LACC1: variants seen among roughly 807,000 people sequenced by gnomAD.
The protein encoded by LACC1 is purine nucleoside phosphorylase LACC1.
LACC1 carries 25 observed loss-of-function variants against 34.8 expected under a neutral mutation model. That is an observed-to-expected ratio of 0.72 (90% CI 0.52 to 1.00). The LOEUF is 1.00. Ranked by LOEUF, LACC1 falls within the 50% of genes least tolerant of loss-of-function variation. The pLI is 0.00. For missense variants in LACC1, 426 were observed against 511.2 expected (o/e 0.83, Z 1.61); for synonymous variants, 162 against 168.0 (o/e 0.96, Z 0.28).
chr13:43,881,783 G>A (rs182325132), intron 2 of LACC1, among the ~76,000 whole-genome samples: 13,049 of 152,182 alleles, frequency 0.086, 625 homozygotes, highest in East Asian at 0.13. Flanking sequence ...AAAATTTGAT[G>A]ATGAGACAAA....
intron 3 of LACC1, among the ~76,000 whole-genome samples, chr13:43,883,340 C>T (rs1157037001): frequency 6.6e-6 from 1 of 152,126 alleles, no homozygotes; most frequent in Non-Finnish European, 1.5e-5. Context: ...GAACTAGGGT[C>T]ATAGTTGATG....
chr13:43,888,981 A>G lies in LACC1; in HGVS notation c.1132A>G (p.Arg378Gly). 1 of 1,606,930 alleles carries G rather than the reference A, an allele frequency of 6.2e-7. No homozygotes were observed. Among genetic ancestry groups the G allele is most frequent in the East Asian group, 2.2e-5 (1 of 44,800 alleles). Residue 378 changes from arginine (R) to glycine (G), a missense_variant and splice_region_variant, in exon 5 of 7, where the codon AGG (arginine) becomes GGG (glycine). Arg to Gly is a moderately radical substitution (Grantham distance 125, BLOSUM62 -2). Transcript: ENST00000325686. The stretch of plus-strand genomic sequence containing the variant: ...CTGTATCGACATCCGTAAAGCCACA[A>G]GGTATGTCTGATTTCATTCAACTGC... The part of the protein sequence containing the change: ...NPCIDIRKAT[R>G]ILLEQGGILP...
chr13:43,890,991 G>T (rs759731073), intron 6 of LACC1, among the ~76,000 whole-genome samples: 10 of 152,220 alleles, frequency 6.6e-5, no homozygotes, highest in Non-Finnish European at 1.3e-4. Context: ...AGGCACAGTG[G>T]CCCTGCTCCT....
Position 43,891,529 on chromosome 13 carries a change from A to G in LACC1, c.*82A>G. ...AGAGAGAAATTTAGCTGTTTGATTTACTTAAAACCAAATGGATTACAATGG... is the reference window on the plus strand; with the variant it reads ...AGAGAGAAATTTAGCTGTTTGATTTGCTTAAAACCAAATGGATTACAATGG... On this transcript the variant is annotated 3_prime_UTR_variant, in exon 7 of 7. Transcript: ENST00000325686. 1.0e-6 allele frequency: 1 copy of G among 958,224 alleles called. No individual in the cohort carries two copies. Among genetic ancestry groups the G allele is most frequent in the South Asian group, 4.8e-5 (1 of 20,798 alleles). The allele number at this position is 958,224 out of a possible 1,614,324, so 59.4% of individuals were successfully genotyped here. A position where few individuals can be genotyped will look rare whatever the true frequency, so the allele number is the denominator to read the frequency against.
intron 4 of LACC1, among the ~76,000 whole-genome samples, chr13:43,885,064 T>C (rs772602795): frequency 5.9e-5 from 9 of 152,156 alleles, no homozygotes; most frequent in Non-Finnish European, 8.8e-5. Flanking sequence ...ATTAAAGGTC[T>C]CTACAATGAG....
chr13:43,890,520 C>T (rs1476726252), intron 6 of LACC1, among the ~76,000 whole-genome samples: 1 of 152,106 alleles, frequency 6.6e-6, no homozygotes, highest in African/African-American at 2.4e-5. Flanking sequence ...GCAGCCACTC[C>T]TTTTCCTAGT....
Position 43,882,113 on chromosome 13 carries a change from C to T in LACC1, c.563-72C>T. The stretch of plus-strand genomic sequence containing the variant: ...AATAACAAGGGCAGGTAGCAGTGAT[C>T]AGGGAAGGTCTAATTGAGAGACTGG... On this transcript the variant is annotated intron_variant, in intron 2 of 6. Transcript: ENST00000325686. 1.0e-5 allele frequency: 12 copies of T among 1,168,230 alleles called. No homozygotes were observed. The South Asian group carries it at 1.9e-4, about 18-fold the overall frequency. The allele number at this position is 1,168,230 out of a possible 1,614,324, so 72.4% of individuals were successfully genotyped here. A position where few individuals can be genotyped will look rare whatever the true frequency, so the allele number is the denominator to read the frequency against.
intron 4 of LACC1, among the ~76,000 whole-genome samples, chr13:43,887,282 A>C (rs1444443812): frequency 6.6e-6 from 1 of 152,144 alleles, no homozygotes. Flanking sequence ...TCTTGCTTTC[A>C]TCATCTCCTT....
intron 6 of LACC1, 110 bp downstream of exon 6, chr13:43,890,384 A>T (rs1380245807): frequency 5.1e-5 from 25 of 493,596 alleles, no homozygotes; most frequent in South Asian, 9.9e-5. Flanking sequence ...CCCCTTATTT[A>T]AAAAAAAAAA....
Position 43,882,422 on chromosome 13 carries a change from C to T in LACC1, c.741+59C>T. ...AGTATATTTTTTACTTTGCTAGTAACTACATGGACTTTAAGCTATTTAACT... is the reference window on the plus strand; with the variant it reads ...AGTATATTTTTTACTTTGCTAGTAATTACATGGACTTTAAGCTATTTAACT... On this transcript the variant is annotated intron_variant, in intron 3 of 6. Coordinates refer to ENST00000325686, the MANE Select transcript of LACC1 (RefSeq NM_153218.4). The T allele has an allele frequency of 4.7e-6, 6 of 1,277,596 alleles. No homozygotes were observed. In the South Asian group the frequency reaches 5.8e-5, roughly 12 times the overall value. 79.1% of individuals were successfully genotyped at this position (1,277,596 alleles called of 1,614,324 possible). A position where few individuals can be genotyped will look rare whatever the true frequency, so the allele number is the denominator to read the frequency against.
Position 43,881,093 on chromosome 13 carries a change from T to A in LACC1, c.108T>A (p.Ala36=). 1 of 1,614,210 alleles carries A rather than the reference T, an allele frequency of 6.2e-7. No homozygotes were observed. Among genetic ancestry groups the A allele is most frequent in the Non-Finnish European group, 8.5e-7 (1 of 1,180,028 alleles). The part of the protein sequence containing the change: ...KTLNAVQYHH[A]AKAKFLCIMC... The stretch of plus-strand genomic sequence containing the variant: ...TGAATGCTGTCCAATACCACCATGC[T>A]GCCAAGGCCAAGTTTCTCTGTATAA... The change falls in exon 2 of 7, where the codon GCT becomes GCA. Residue 36 remains alanine, a synonymous_variant. Transcript: ENST00000325686.
At chr13:43,884,324 A>G (rs1273959095) in intron 4 of LACC1, among the ~76,000 whole-genome samples, 1 of 152,106 alleles carries the variant, frequency 6.6e-6, no homozygotes, top group Non-Finnish European at 1.5e-5. Flanking sequence ...ACCAAGACCA[A>G]CCAACCAACC....
At chr13:43,880,384 A>G (rs529924647) in intron 1 of LACC1, among the ~76,000 whole-genome samples, 1 of 152,322 alleles carries the variant, frequency 6.6e-6, no homozygotes, top group South Asian at 2.1e-4. Context: ...GAATGAATTA[A>G]GAAAGTTGAG....
chr13:43,890,826 A>G (rs1955539663), intron 6 of LACC1, among the ~76,000 whole-genome samples: 1 of 152,240 alleles, frequency 6.6e-6, no homozygotes, highest in South Asian at 2.1e-4. Context: ...AAATGACAGT[A>G]AGTAGTTTAG....
intron 4 of LACC1, 84 bp from the exon 5 acceptor site, chr13:43,888,673 T>C (rs1955439848): frequency 9.9e-7 from 1 of 1,008,546 alleles, no homozygotes. Flanking sequence ...AAACTAAATC[T>C]GCTCACTTTT....
In LACC1 at chr13:43,892,349, G is replaced by A. The variant is rs944432602; in HGVS notation, c.*902G>A. 5.3e-5 allele frequency: 8 copies of A among 151,810 alleles called. No homozygotes were observed. Among genetic ancestry groups the A allele is most frequent in the African/African-American group, 1.7e-4 (7 of 41,362 alleles). The allele number at this position is 151,810 out of a possible 1,614,324, so 9.4% of individuals were successfully genotyped here. On this transcript the variant is annotated 3_prime_UTR_variant, in exon 7 of 7. Coordinates refer to ENST00000325686, the MANE Select transcript of LACC1 (RefSeq NM_153218.4). ...AATGAAGGAAGTGGAAATTAAAATA[G>A]GGAAGAGAGTAGATGGATTAGAGAG...
At chr13:43,886,482 C>G (rs561631679) in intron 4 of LACC1, among the ~76,000 whole-genome samples, 1 of 152,064 alleles carries the variant, frequency 6.6e-6, no homozygotes, top group Non-Finnish European at 1.5e-5. Context: ...GGAAGCCATC[C>G]TAAATGAATT....
At chr13:43,882,664 T>C (rs1455553122) in intron 3 of LACC1, among the ~76,000 whole-genome samples, 1 of 150,710 alleles carries the variant, frequency 6.6e-6, no homozygotes. Context: ...AACGACATAA[T>C]AAAACCAATT....
At chr13:43,884,068 G>A (rs375025985) in intron 4 of LACC1, 132 bp downstream of exon 4, 44 of 620,090 alleles carry the variant, frequency 7.1e-5, no homozygotes, top group East Asian at 1.9e-4. Flanking sequence ...TGGGAGAGGC[G>A]GCATAGTTTT....
Sources: allele counts gnomAD v4.1 joint callset (sites outside exome capture counted in the v4.1 genomes callset), GRCh38; gene constraint gnomAD v4.1.1; transcripts MANE v1.5; gene names NCBI Gene and HGNC (gene_info 2026-07-23, HGNC 2026-07-21).